Variants in SPMAP2L observed in about 807,000 individuals in gnomAD.
SPMAP2L encodes the protein sperm microtubule associated protein 2-like.
the SPMAP2L span, among the ~76,000 whole-genome samples, chr4:56,579,472 A>G: frequency 7.5e-6 from 1 of 132,550 alleles, no homozygotes; most frequent in Non-Finnish European, 1.5e-5. Context: ...GTAAATGCCT[A>G]TATTAAAAAA....
chr4:56,598,871 G>C, the SPMAP2L span, among the ~76,000 whole-genome samples: 2 of 152,068 alleles, frequency 1.3e-5, no homozygotes, highest in Non-Finnish European at 2.9e-5. Context: ...ATTGACTCAT[G>C]GGGGTGGTTT....
the SPMAP2L span, chr4:56,593,663 G>A: frequency 1.4e-4 from 223 of 1,603,884 alleles, no homozygotes; most frequent in Admixed American, 5.3e-4. Flanking sequence ...ATTTTTTGCC[G>A]TCCGAGAAAG....
At chr4:56,578,521 G>A in the SPMAP2L span, among the ~76,000 whole-genome samples, 1 of 152,052 alleles carries the variant, frequency 6.6e-6, no homozygotes, top group Admixed American at 6.6e-5. Context: ...TACATTAAAT[G>A]TAAATGAATT....
At chr4:56,576,590 A>G in the SPMAP2L span, among the ~76,000 whole-genome samples, 1 of 152,192 alleles carries the variant, frequency 6.6e-6, no homozygotes, top group Non-Finnish European at 1.5e-5. Flanking sequence ...CTTTACATGG[A>G]TTTTAGAAAA....
the SPMAP2L span, among the ~76,000 whole-genome samples, chr4:56,554,743 A>G: frequency 1.3e-5 from 2 of 150,388 alleles, no homozygotes; most frequent in African/African-American, 5.0e-5. Flanking sequence ...GCTAAACCCA[A>G]AGTCACCTGG....
At chr4:56,574,575 C>T in the SPMAP2L span, among the ~76,000 whole-genome samples, 11 of 152,036 alleles carry the variant, frequency 7.2e-5, no homozygotes, top group South Asian at 2.1e-4. Context: ...TATAATTCAC[C>T]GTATAAAATA....
chr4:56,618,583 C>G, the SPMAP2L span, among the ~76,000 whole-genome samples: 1 of 152,140 alleles, frequency 6.6e-6, no homozygotes, highest in Non-Finnish European at 1.5e-5. Context: ...ATATAACCAT[C>G]AGATCTCGTG....
At chr4:56,533,669 C>A in the SPMAP2L span, among the ~76,000 whole-genome samples, 1 of 151,750 alleles carries the variant, frequency 6.6e-6, no homozygotes, top group Non-Finnish European at 1.5e-5. Flanking sequence ...TGCAATGGAC[C>A]GGATGCGGTG....
the SPMAP2L span, among the ~76,000 whole-genome samples, chr4:56,579,107 C>A: frequency 6.6e-6 from 1 of 151,988 alleles, no homozygotes; most frequent in Admixed American, 6.6e-5. Flanking sequence ...TAGAAACCAA[C>A]TATATCTAAC....
chr4:56,548,902 C>G, the SPMAP2L span: 6 of 1,000,312 alleles, frequency 6.0e-6, no homozygotes, highest in Non-Finnish European at 8.0e-6. Context: ...ATTCATTTGA[C>G]GTGGGTCTAC....
chr4:56,574,755 G>T, the SPMAP2L span, among the ~76,000 whole-genome samples: 1 of 152,090 alleles, frequency 6.6e-6, no homozygotes. Flanking sequence ...TGAGACAGGA[G>T]TATTGCTTGA....
chr4:56,593,408 T>C, the SPMAP2L span: 1 of 1,386,722 alleles, frequency 7.2e-7, no homozygotes, highest in South Asian at 1.2e-5. Context: ...CCCTGTGAAA[T>C]GGACTTCAGT....
chr4:56,605,131 C>T, the SPMAP2L span, among the ~76,000 whole-genome samples: 1 of 152,176 alleles, frequency 6.6e-6, no homozygotes, highest in East Asian at 1.9e-4. Context: ...CAAAAACTAC[C>T]TGTACCCCCA....
chr4:56,575,946 C>T, the SPMAP2L span, among the ~76,000 whole-genome samples: 1 of 152,170 alleles, frequency 6.6e-6, no homozygotes, highest in African/African-American at 2.4e-5. Flanking sequence ...AATTTGTTCT[C>T]CTGTATCTCT....
the SPMAP2L span, among the ~76,000 whole-genome samples, chr4:56,567,446 T>TTTTTTTTTG: frequency 5.4e-5 from 6 of 110,652 alleles, no homozygotes; most frequent in Admixed American, 1.7e-4. Context: ...TTGGTGGTTT[T>TTTTTTTTTG]TTTTTTTTTT....
At chr4:56,577,845 T>A in the SPMAP2L span, among the ~76,000 whole-genome samples, 1 of 151,870 alleles carries the variant, frequency 6.6e-6, no homozygotes, top group East Asian at 1.9e-4. Flanking sequence ...TTTATTGGGG[T>A]GTTGTGGTGA....
the SPMAP2L span, among the ~76,000 whole-genome samples, chr4:56,561,634 G>T: frequency 6.6e-6 from 1 of 151,990 alleles, no homozygotes; most frequent in African/African-American, 2.4e-5. Context: ...ACCGAGAATG[G>T]CACCAAGCCA....
chr4:56,593,035 A>G, the SPMAP2L span: 1 of 1,595,486 alleles, frequency 6.3e-7, no homozygotes, highest in Non-Finnish European at 8.6e-7. Context: ...TTTCAAGCAA[A>G]AACCAGATCT....
At chr4:56,551,349 T>G in the SPMAP2L span, among the ~76,000 whole-genome samples, 2 of 152,284 alleles carry the variant, frequency 1.3e-5, no homozygotes, top group East Asian at 3.9e-4. Flanking sequence ...AATTGGTCCC[T>G]TCTGGGACCC....
Sources: gnomAD v4.1 joint callset for allele counts (sites outside exome capture counted in the v4.1 genomes callset) on GRCh38, gnomAD v4.1.1 for gene constraint, MANE v1.5 for transcripts, NCBI Gene and HGNC (gene_info 2026-07-23, HGNC 2026-07-21) for gene names.